The following NIPA2 variants were observed in gnomAD, a reference collection of about 807,000 sequenced individuals.
NIPA2 encodes the protein magnesium transporter NIPA2.
A neutral mutation model predicts 29.7 loss-of-function variants in NIPA2; 11 were observed. That is an observed-to-expected ratio of 0.37 (90% CI 0.23 to 0.61). The LOEUF (loss-of-function observed/expected upper bound fraction) is 0.61. Ranked by LOEUF, NIPA2 falls within the 20% of genes least tolerant of loss-of-function variation. The probability of loss-of-function intolerance (pLI) is 0.66; values close to 1 mark genes in which losing one functional copy is unlikely to be tolerated. For missense variants in NIPA2, 426 were observed against 437.9 expected, an observed-to-expected ratio of 0.97 and a Z score of 0.24; for synonymous variants, 183 against 161.9, an observed-to-expected ratio of 1.13 and a Z score of -0.99.
intron 7 of NIPA2, among the ~76,000 whole-genome samples, chr15:22,864,476 G>C (rs1163016672): frequency 6.6e-6 from 1 of 152,044 alleles, no homozygotes; most frequent in Non-Finnish European, 1.5e-5. Context: ...TTATGTAAAA[G>C]TTGGGCTGGT....
intron 5 of NIPA2, among the ~76,000 whole-genome samples, chr15:22,858,147 A>G (rs2058339094): frequency 6.6e-6 from 1 of 152,148 alleles, no homozygotes; most frequent in Non-Finnish European, 1.5e-5. Flanking sequence ...TAATCCCAGC[A>G]CTTTGGGAGG....
intron 3 of NIPA2, among the ~76,000 whole-genome samples, chr15:22,848,467 A>G (rs950735609): frequency 5.9e-5 from 9 of 151,998 alleles, no homozygotes; most frequent in Admixed American, 2.0e-4. Flanking sequence ...GTTTCAAGCA[A>G]TCCTTCTGCC....
At chr15:22,858,389 G>T in intron 5 of NIPA2, 151 bp from the exon 6 acceptor site, 1 of 471,340 alleles carries the variant, frequency 2.1e-6, no homozygotes, top group Admixed American at 3.8e-5. Context: ...GTGAGACTCC[G>T]TCTCAAAAAA....
At position 22,845,175 on chromosome 15, in the gene NIPA2, A is replaced by G. The variant is rs768666114; in HGVS notation, c.-186A>G. ...TCCCGGCTGTGATAGACCTTCAGTT[A>G]CAGAGAGAGGGAGCAGAGTGGGACC... On this transcript the variant is annotated 5_prime_UTR_variant, in exon 3 of 8. Transcript: ENST00000337451. 7.2e-5 allele frequency: 11 copies of G among 152,236 alleles called. No individual in the cohort carries two copies. The highest frequency in any genetic ancestry group is 1.6e-4 in the Non-Finnish European group (11 of 68,068). 9.4% of individuals were successfully genotyped at this position (152,236 alleles called of 1,614,324 possible). A position where few individuals can be genotyped will look rare whatever the true frequency, so the allele number is the denominator to read the frequency against.
intron 2 of NIPA2, among the ~76,000 whole-genome samples, chr15:22,842,177 A>G (rs1182059196): frequency 2.0e-5 from 3 of 152,188 alleles, no homozygotes; most frequent in Admixed American, 1.3e-4. Context: ...AATATTGTAC[A>G]TGCTCAGTAA....
intron 7 of NIPA2, among the ~76,000 whole-genome samples, chr15:22,865,376 C>T (rs1231201350): frequency 6.6e-6 from 1 of 151,896 alleles, no homozygotes; most frequent in African/African-American, 2.4e-5. Context: ...GTCCCAGCTA[C>T]TCAGGAGGCT....
Position 22,860,588 on chromosome 15 carries a change from AGCT to A in NIPA2, c.288-39_288-37del, listed in dbSNP as rs1322966719. The A allele has an allele frequency of 4.7e-6, 6 of 1,287,900 alleles. No individual in the cohort carries two copies. The Admixed American group carries it at 7.8e-5, about 17-fold the overall frequency. 79.8% of individuals were successfully genotyped at this position (1,287,900 alleles called of 1,614,324 possible). ...TTATTGATATTTGAAAAAGGAAAGT[AGCT>A]GATTAAAGTTCTCAATTTTTTTTCC... is the stretch of plus-strand genomic sequence containing the variant. On this transcript the variant is annotated intron_variant, in intron 6 of 7. Transcript: ENST00000337451.
At chr15:22,842,892 ACTC>A (rs1555378132) in intron 2 of NIPA2, among the ~76,000 whole-genome samples, 1 of 151,578 alleles carries the variant, frequency 6.6e-6, no homozygotes, top group Non-Finnish European at 1.5e-5. Flanking sequence ...AGTCCCAGCT[ACTC>A]GGGAGGCAGA....
chr15:22,867,962 A>G lies in NIPA2; in HGVS notation c.*1115A>G, dbSNP rs1462737973. The stretch of plus-strand genomic sequence containing the variant: ...TGAACCTATCCACTCATAACCATTG[A>G]CTGGCCTTTAAAAAAAAGTATTGGC... On this transcript the variant is annotated 3_prime_UTR_variant, in exon 8 of 8. Coordinates refer to ENST00000337451, the MANE Select transcript of NIPA2 (RefSeq NM_030922.7). 1.3e-5 allele frequency: 2 copies of G among 152,210 alleles called. No individual in the cohort carries two copies. The highest frequency in any genetic ancestry group is 1.5e-5 in the Non-Finnish European group (1 of 68,028). 9.4% of individuals were successfully genotyped at this position (152,210 alleles called of 1,614,324 possible).
chr15:22,861,013 C>T (rs555186928), intron 7 of NIPA2, among the ~76,000 whole-genome samples: 222 of 152,198 alleles, frequency 1.5e-3, no homozygotes, highest in African/African-American at 5.3e-3. Flanking sequence ...CTACTTACTT[C>T]CTTAGCTTTA....
In NIPA2 at chr15:22,866,794, C is replaced by CA; in HGVS notation, c.1032dup (p.His345ThrfsTer4). 6.2e-7 allele frequency: 1 copy of CA among 1,611,392 alleles called. No homozygotes were observed. Among genetic ancestry groups the CA allele is most frequent in the East Asian group, 2.2e-5 (1 of 44,822 alleles). ...AGAAAGCTTAACCTGTGGAATCGAA[C>CA]AACACACTGGTGAAAATGTCTCCCG... On this transcript the variant is annotated frameshift_variant, in exon 8 of 8. Coordinates refer to ENST00000337451, the MANE Select transcript of NIPA2 (RefSeq NM_030922.7). LOFTEE classifies it high-confidence loss of function.
At position 22,838,758 on chromosome 15, in the gene NIPA2, C is replaced by G. The variant is rs1017781810; in HGVS notation, c.-515C>G. ...CCTCGGCGCTTCTCCATGGAGGAGG[C>G]GGTGCGAACGGCTTCAGCCCCGAAT... On this transcript the variant is annotated 5_prime_UTR_variant, in exon 1 of 8. Transcript: ENST00000337451. 1.3e-5 allele frequency: 2 copies of G among 152,614 alleles called. No homozygotes were observed. Among genetic ancestry groups the G allele is most frequent in the African/African-American group, 4.8e-5 (2 of 41,460 alleles). The allele number at this position is 152,614 out of a possible 1,614,324, so 9.5% of individuals were successfully genotyped here. A position where few individuals can be genotyped will look rare whatever the true frequency, so the allele number is the denominator to read the frequency against.
chr15:22,841,452 G>A (rs1897053237), intron 2 of NIPA2, among the ~76,000 whole-genome samples: 2 of 152,148 alleles, frequency 1.3e-5, no homozygotes, highest in African/African-American at 4.8e-5. Context: ...TTGCAGATCT[G>A]TTCCTTGCCT....
chr15:22,853,174 C>A (rs371111295), intron 4 of NIPA2, 38 bp from the exon 5 acceptor site: 5 of 1,362,706 alleles, frequency 3.7e-6, no homozygotes, highest in African/African-American at 1.4e-5. Flanking sequence ...AAGAGTCTTA[C>A]AGTCTTCCAA....
intron 4 of NIPA2, among the ~76,000 whole-genome samples, chr15:22,852,147 G>GAT (rs2057791337): frequency 6.6e-6 from 1 of 152,132 alleles, no homozygotes; most frequent in Non-Finnish European, 1.5e-5. Context: ...TTTAAATTTT[G>GAT]ATATGTCTGC....
At chr15:22,857,548 AAG>A (rs1303764090) in intron 5 of NIPA2, among the ~76,000 whole-genome samples, 2 of 150,526 alleles carry the variant, frequency 1.3e-5, no homozygotes, top group East Asian at 2.0e-4. Flanking sequence ...CATTTTTAAA[AAG>A]AGCAAGCTGG....
At chr15:22,844,281 C>T (rs1239024551) in intron 2 of NIPA2, among the ~76,000 whole-genome samples, 1 of 152,052 alleles carries the variant, frequency 6.6e-6, no homozygotes, top group African/African-American at 2.4e-5. Context: ...AACTTGTTGG[C>T]CGGGAGTGGT....
chr15:22,843,960 G>A (rs1165616384), intron 2 of NIPA2, among the ~76,000 whole-genome samples: 1 of 152,170 alleles, frequency 6.6e-6, no homozygotes, highest in African/African-American at 2.4e-5. Flanking sequence ...GCCTCCCAAG[G>A]TGCTGGGGTT....
At chr15:22,859,417 C>T (rs1180772938) in intron 6 of NIPA2, among the ~76,000 whole-genome samples, 9 of 151,652 alleles carry the variant, frequency 5.9e-5, no homozygotes, top group East Asian at 5.9e-4. Context: ...CACAGCCTCC[C>T]GAGTAGCTGG....
Sources: allele counts gnomAD v4.1 joint callset (sites outside exome capture counted in the v4.1 genomes callset), GRCh38; gene constraint gnomAD v4.1.1; transcripts MANE v1.5; gene names NCBI Gene and HGNC (gene_info 2026-07-23, HGNC 2026-07-21).